TMEM132B: variants seen among roughly 807,000 people sequenced by gnomAD.
TMEM132B encodes transmembrane protein 132B.
TMEM132B carries 18 observed loss-of-function variants against 90.8 expected under a neutral mutation model. The observed-to-expected ratio is 0.20, with a 90% CI of 0.14 to 0.29. TMEM132B has a LOEUF of 0.29. TMEM132B is among the 10% of genes least tolerant of loss of function. The pLI is 1.00. For synonymous variants in TMEM132B, 504 were observed against 523.3 expected, an observed-to-expected ratio of 0.96 and a Z score of 0.50; for missense variants, 1,096 against 1,326.8, an observed-to-expected ratio of 0.83 and a Z score of 2.70.
intron 4 of TMEM132B, among the ~76,000 whole-genome samples, chr12:125,541,762 G>A (rs1002274674): frequency 4.0e-5 from 6 of 151,304 alleles, no homozygotes; most frequent in Non-Finnish European, 8.8e-5. Context: ...CTTCACGCCT[G>A]TAATCCCAGC....
chr12:125,243,153 T>A (rs201503076), intron 1 of TMEM132B, among the ~76,000 whole-genome samples: 1,170 of 76,792 alleles, frequency 0.015, 33 homozygotes, highest in Admixed American at 0.1. Flanking sequence ...ATATATATAA[T>A]TTTTTTTTTT....
intron 3 of TMEM132B, among the ~76,000 whole-genome samples, chr12:125,444,942 C>T (rs1299461431): frequency 6.6e-6 from 1 of 152,116 alleles, no homozygotes; most frequent in Non-Finnish European, 1.5e-5. Flanking sequence ...CCCACAACCA[C>T]GGAAGGCAAT....
intron 1 of TMEM132B, among the ~76,000 whole-genome samples, chr12:125,220,576 G>A (rs1873534673): frequency 6.6e-6 from 1 of 152,232 alleles, no homozygotes; most frequent in South Asian, 2.1e-4. Flanking sequence ...ATTTCCAAGA[G>A]GTCTGGAGTG....
At chr12:125,293,272 G>A (rs1043107759) in intron 1 of TMEM132B, among the ~76,000 whole-genome samples, 2 of 152,220 alleles carry the variant, frequency 1.3e-5, no homozygotes, top group African/African-American at 2.4e-5. Context: ...TTAGTAAAGC[G>A]TATTGCAGCA....
chr12:125,327,957 T>C (rs988646458), intron 1 of TMEM132B, among the ~76,000 whole-genome samples: 13 of 152,202 alleles, frequency 8.5e-5, no homozygotes, highest in Non-Finnish European at 1.6e-4. Context: ...GGAGAATGGA[T>C]GGCCCTAGCC....
chr12:125,594,312 T>A (rs1161295967), intron 5 of TMEM132B, among the ~76,000 whole-genome samples: 1 of 152,244 alleles, frequency 6.6e-6, no homozygotes, highest in Non-Finnish European at 1.5e-5. Flanking sequence ...GATGGACATC[T>A]GGGTTGTTTC....
chr12:125,299,782 T>C (rs1875771751), intron 1 of TMEM132B, among the ~76,000 whole-genome samples: 2 of 152,192 alleles, frequency 1.3e-5, no homozygotes, highest in African/African-American at 4.8e-5. Flanking sequence ...ATCTGTACTC[T>C]TCTCACCCTG....
rs774885524 is a variant in TMEM132B, at chr12:125,661,611, AG to A, written c.*6904del. 5 of 152,206 alleles carry A rather than the reference AG, an allele frequency of 3.3e-5. No individual in the cohort carries two copies. The highest frequency in any genetic ancestry group is 5.9e-5 in the Non-Finnish European group (4 of 68,060). The allele number at this position is 152,206 out of a possible 1,614,324, so 9.4% of individuals were successfully genotyped here. The stretch of plus-strand genomic sequence containing the variant: ...TGACCCTTATTTTGGACTTCTAGCA[AG>A]GGCATTCAGTGTGGATTCCAAGAAC... On this transcript the variant is annotated 3_prime_UTR_variant, in exon 9 of 9. Coordinates refer to ENST00000682704, the MANE Select transcript of TMEM132B (RefSeq NM_001366854.1).
intron 3 of TMEM132B, among the ~76,000 whole-genome samples, chr12:125,475,036 G>A (rs1881834593): frequency 6.6e-6 from 1 of 152,208 alleles, no homozygotes; most frequent in South Asian, 2.1e-4. Context: ...GACAGAGTGT[G>A]GGAAGAAGTG....
chr12:125,475,154 A>T (rs1054813119), intron 3 of TMEM132B, among the ~76,000 whole-genome samples: 1 of 152,098 alleles, frequency 6.6e-6, no homozygotes, highest in Admixed American at 6.6e-5. Context: ...AATAAATTAG[A>T]AGTGTGTGTG....
intron 1 of TMEM132B, among the ~76,000 whole-genome samples, chr12:125,287,447 A>G (rs1875393539): frequency 6.6e-6 from 1 of 152,116 alleles, no homozygotes; most frequent in East Asian, 1.9e-4. Flanking sequence ...TTCATTCTCT[A>G]GCACCTAAGT....
At chr12:125,475,004 T>G (rs1881832968) in intron 3 of TMEM132B, among the ~76,000 whole-genome samples, 1 of 152,170 alleles carries the variant, frequency 6.6e-6, no homozygotes, top group South Asian at 2.1e-4. Flanking sequence ...TGGGGCCGAG[T>G]TAGCCCCACC....
chr12:125,543,961 A>G (rs1410209961), intron 4 of TMEM132B, among the ~76,000 whole-genome samples: 6 of 152,264 alleles, frequency 3.9e-5, no homozygotes, highest in African/African-American at 9.6e-5. Context: ...ATGCCCATCA[A>G]TGATAGACTG....
At chr12:125,623,431 A>G (rs1172654129) in intron 5 of TMEM132B, among the ~76,000 whole-genome samples, 5 of 152,026 alleles carry the variant, frequency 3.3e-5, no homozygotes, top group Non-Finnish European at 4.4e-5. Context: ...TCCTTGGGTA[A>G]GAATATTTTG....
At chr12:125,604,488 C>T (rs1350584055) in intron 5 of TMEM132B, among the ~76,000 whole-genome samples, 3 of 152,140 alleles carry the variant, frequency 2.0e-5, no homozygotes, top group Non-Finnish European at 4.4e-5. Flanking sequence ...GGACGAATAG[C>T]TAATGCATGC....
chr12:125,557,310 T>C (rs1884415009), intron 4 of TMEM132B, among the ~76,000 whole-genome samples: 1 of 151,888 alleles, frequency 6.6e-6, no homozygotes, highest in Non-Finnish European at 1.5e-5. Context: ...AAGACTGGGG[T>C]CTCTGTGACC....
At chr12:125,471,271 G>A (rs1157335984) in intron 3 of TMEM132B, among the ~76,000 whole-genome samples, 2 of 152,172 alleles carry the variant, frequency 1.3e-5, no homozygotes, top group Non-Finnish European at 2.9e-5. Context: ...GTGGTCCGGG[G>A]GTGTGGTCAT....
In TMEM132B at chr12:125,639,847, C is replaced by T. The variant is rs77073979; in HGVS notation, c.1438-4229C>T. Among the ~76,000 whole-genome samples the T allele has an allele frequency of 6.3e-3, 960 of 152,298 alleles. 9 individuals carry two copies. The highest frequency in any genetic ancestry group is 0.021 in the African/African-American group (877 of 41,558). On this transcript the variant is annotated intron_variant, in intron 5 of 8. Transcript: ENST00000682704. The stretch of plus-strand genomic sequence containing the variant: ...TGGCATTTGAGATGCAGTCCTATGT[C>T]ATTTATAATCCTTTTGGTGGCAAGT...
intron 5 of TMEM132B, among the ~76,000 whole-genome samples, chr12:125,592,740 G>A (rs913563416): frequency 2.0e-5 from 3 of 152,136 alleles, no homozygotes; most frequent in African/African-American, 7.2e-5. Context: ...TTACAGAGAG[G>A]GTGAGATGGA....
Sources: gnomAD v4.1 joint callset for allele counts (sites outside exome capture counted in the v4.1 genomes callset) on GRCh38, gnomAD v4.1.1 for gene constraint, MANE v1.5 for transcripts, NCBI Gene and HGNC (gene_info 2026-07-23, HGNC 2026-07-21) for gene names.